Variants in HSPA4L observed in about 807,000 individuals in gnomAD.
HSPA4L encodes heat shock protein family A (Hsp70) member 4 like, also known as heat shock 70 kDa protein 4L.
HSPA4L carries 48 observed loss-of-function variants against 100.3 expected under a neutral mutation model. The observed-to-expected ratio is 0.48, with a 90% CI of 0.38 to 0.61. The LOEUF is 0.61. Among genes scored for constraint, HSPA4L ranks in the 20% least tolerant of loss-of-function variants. HSPA4L has a pLI of 0.00. For synonymous variants in HSPA4L, 319 were observed against 328.2 expected, an observed-to-expected ratio of 0.97 and a Z score of 0.30; for missense variants, 886 against 988.6, an observed-to-expected ratio of 0.90 and a Z score of 1.39.
At chr4:127,784,985 T>C (rs1246400722) in intron 1 of HSPA4L, among the ~76,000 whole-genome samples, 1 of 152,218 alleles carries the variant, frequency 6.6e-6, no homozygotes, top group Non-Finnish European at 1.5e-5. Flanking sequence ...GAAAGAAATG[T>C]TCAATTTAGT....
In HSPA4L at chr4:127,803,874, G is replaced by T; in HGVS notation, c.908+1G>T. The T allele has an allele frequency of 6.2e-7, 1 of 1,612,354 alleles. No homozygotes were observed. The highest frequency in any genetic ancestry group is 8.5e-7 in the Non-Finnish European group (1 of 1,179,072). On this transcript the variant is annotated splice_donor_variant, in intron 7 of 18. Coordinates refer to ENST00000296464, the MANE Select transcript of HSPA4L (RefSeq NM_014278.4). LOFTEE classifies it high-confidence loss of function. ...TTGATGTTTCTAGTAAAATGAACAG[G>T]TACCACGTATGTTTTTAGTTTGAAA...
upstream of HSPA4L, chr4:127,782,039 C>G (rs1277081830): frequency 4.4e-6 from 2 of 454,908 alleles, no homozygotes; most frequent in Non-Finnish European, 4.4e-6. Context: ...GTCCTACTGC[C>G]GAGCGAGGGC....
At chr4:127,812,489 A>G (rs893825493) in intron 12 of HSPA4L, among the ~76,000 whole-genome samples, 2 of 151,784 alleles carry the variant, frequency 1.3e-5, no homozygotes, top group Non-Finnish European at 2.9e-5. Flanking sequence ...TGGGGATACT[A>G]TAGATGAAGG....
chr4:127,782,499 G>A lies in HSPA4L; in HGVS notation c.-52G>A. On this transcript the variant is annotated 5_prime_UTR_variant, in exon 1 of 19. Coordinates refer to ENST00000296464, the MANE Select transcript of HSPA4L (RefSeq NM_014278.4). ...GCAGCAATAGCCCAGAAGAGGACAC[G>A]GTTCCCGTACCGAAGGGTTCAGTAC... The A allele has an allele frequency of 1.4e-6, 2 of 1,464,362 alleles. No individual in the cohort carries two copies. The highest frequency in any genetic ancestry group is 1.9e-6 in the Non-Finnish European group (2 of 1,045,168). The allele number at this position is 1,464,362 out of a possible 1,614,324, so 90.7% of individuals were successfully genotyped here.
intron 14 of HSPA4L, among the ~76,000 whole-genome samples, chr4:127,822,273 C>T (rs1733833961): frequency 6.6e-6 from 1 of 152,134 alleles, no homozygotes; most frequent in African/African-American, 2.4e-5. Flanking sequence ...AATGCTTGTC[C>T]TTTTGTGTCT....
chr4:127,789,653 A>AG, intron 1 of HSPA4L, among the ~76,000 whole-genome samples: 1 of 152,080 alleles, frequency 6.6e-6, no homozygotes, highest in Admixed American at 6.5e-5. Context: ...GTCTCAAAAA[A>AG]AAAAAGAAAA....
At chr4:127,816,191 G>C (rs1352226754) in intron 12 of HSPA4L, among the ~76,000 whole-genome samples, 1 of 152,042 alleles carries the variant, frequency 6.6e-6, no homozygotes, top group African/African-American at 2.4e-5. Flanking sequence ...ATGTGTGCTT[G>C]GTCATAGCAG....
At position 127,833,264 on chromosome 4, in the gene HSPA4L, G is replaced by GA. The variant is rs1734132024; in HGVS notation, c.*395dup. The stretch of plus-strand genomic sequence containing the variant: ...ATAGATTTAATTGCATCTTTATTTT[G>GA]AAAAACAAATGAAAATTGATGGGGT... On this transcript the variant is annotated 3_prime_UTR_variant, in exon 19 of 19. Coordinates refer to ENST00000296464, the MANE Select transcript of HSPA4L (RefSeq NM_014278.4). The GA allele has an allele frequency of 6.4e-6, 1 of 157,240 alleles. No individual in the cohort carries two copies. The allele number at this position is 157,240 out of a possible 1,614,324, so 9.7% of individuals were successfully genotyped here.
intron 16 of HSPA4L, among the ~76,000 whole-genome samples, chr4:127,825,142 A>G (rs1733917837): frequency 6.6e-6 from 1 of 151,990 alleles, no homozygotes; most frequent in Non-Finnish European, 1.5e-5. Flanking sequence ...TCCATCTCAA[A>G]AAAAAAAAAA....
At chr4:127,785,017 T>C (rs1358372416) in intron 1 of HSPA4L, among the ~76,000 whole-genome samples, 2 of 152,238 alleles carry the variant, frequency 1.3e-5, no homozygotes, top group African/African-American at 4.8e-5. Flanking sequence ...TTCATACATT[T>C]TACGTTTCTT....
chr4:127,793,532 T>TA (rs1171236727), intron 1 of HSPA4L, among the ~76,000 whole-genome samples: 1 of 152,204 alleles, frequency 6.6e-6, no homozygotes, highest in African/African-American at 2.4e-5. Context: ...TCCATGCTAT[T>TA]ACATTTAAAT....
chr4:127,832,900 T>G lies in HSPA4L; in HGVS notation c.*26T>G. 1 of 1,554,044 alleles carries G rather than the reference T, an allele frequency of 6.4e-7. No homozygotes were observed. The highest frequency in any genetic ancestry group is 8.8e-7 in the Non-Finnish European group (1 of 1,142,294). On this transcript the variant is annotated 3_prime_UTR_variant, in exon 19 of 19. Transcript: ENST00000296464. ...GTCTTAATTTTACCTTCACATTAAT[T>G]CAAACCGTGCAAGTAACCACGGGGT... is the stretch of plus-strand genomic sequence containing the variant.
chr4:127,784,976 A>G (rs528194522), intron 1 of HSPA4L, among the ~76,000 whole-genome samples: 7 of 152,356 alleles, frequency 4.6e-5, no homozygotes, highest in African/African-American at 1.2e-4. Context: ...TGAAAAGAGG[A>G]AAGAAATGTT....
intron 17 of HSPA4L, 62 bp downstream of exon 17, chr4:127,827,486 A>G: frequency 6.4e-7 from 1 of 1,572,096 alleles, no homozygotes; most frequent in Non-Finnish European, 8.7e-7. Flanking sequence ...GAATGGGGCA[A>G]ATCTAAAAGT....
At chr4:127,826,271 G>C (rs1733947630) in intron 16 of HSPA4L, among the ~76,000 whole-genome samples, 1 of 152,044 alleles carries the variant, frequency 6.6e-6, no homozygotes, top group African/African-American at 2.4e-5. Context: ...CAGGCACAGT[G>C]GTATGTGCCT....
In HSPA4L at chr4:127,808,037, C is replaced by T. The variant is rs772578743; in HGVS notation, c.1286C>T (p.Ser429Leu). ...TGTAAGAACCATCCTGCCCCATTCT[C>T]AAAAGTCATTACTTTCCACAAGAAG... is the stretch of plus-strand genomic sequence containing the variant. ...VFCKNHPAPFSKVITFHKKEP... is the reference protein window; with the variant it reads ...VFCKNHPAPFLKVITFHKKEP... The change falls in exon 11 of 19, where the codon TCA (serine) becomes TTA (leucine). Residue 429 changes from serine (S) to leucine (L), a missense_variant. Ser to Leu is a moderately radical substitution (Grantham distance 145). Coordinates refer to ENST00000296464, the MANE Select transcript of HSPA4L (RefSeq NM_014278.4). 2 of 1,612,586 alleles carry T rather than the reference C, an allele frequency of 1.2e-6. No individual in the cohort carries two copies. The highest frequency in any genetic ancestry group is 3.3e-5 in the Admixed American group (2 of 59,840).
rs1308154281 is a variant in HSPA4L at position 127,795,760 on chromosome 4, G to A, written c.166-8G>A. The stretch of plus-strand genomic sequence containing the variant: ...TAACTGATAAATACAAGTGTTTACT[G>A]CCAACAGATAGTCACGAACGTAAGA... On this transcript the variant is annotated splice_region_variant and splice_polypyrimidine_tract_variant and intron_variant, in intron 2 of 18. Transcript: ENST00000296464. 2.0e-5 allele frequency: 33 copies of A among 1,612,692 alleles called. No homozygotes were observed. The highest frequency in any genetic ancestry group is 2.7e-5 in the Non-Finnish European group (32 of 1,179,192).
intron 10 of HSPA4L, among the ~76,000 whole-genome samples, chr4:127,806,821 C>T (rs1733372871): frequency 6.6e-6 from 1 of 151,242 alleles, no homozygotes; most frequent in East Asian, 1.9e-4. Context: ...ACATAAGTAC[C>T]CCCAAGAAAA....
chr4:127,817,266 G>A (rs984955991), intron 12 of HSPA4L, among the ~76,000 whole-genome samples: 8 of 151,864 alleles, frequency 5.3e-5, no homozygotes, highest in African/African-American at 1.2e-4. Context: ...GGGTTTCACC[G>A]TGTTGGTCAG....
Sources: gnomAD v4.1 joint callset for allele counts (sites outside exome capture counted in the v4.1 genomes callset) on GRCh38, gnomAD v4.1.1 for gene constraint, MANE v1.5 for transcripts, NCBI Gene and HGNC (gene_info 2026-07-23, HGNC 2026-07-21) for gene names.